The following DRC4 variants were observed in gnomAD, a reference collection of about 807,000 sequenced individuals.
DRC4 encodes dynein regulatory complex subunit 4.
the DRC4 span, among the ~76,000 whole-genome samples, chr16:90,034,154 G>T: frequency 6.6e-6 from 1 of 152,172 alleles, no homozygotes; most frequent in African/African-American, 2.4e-5. Context: ...GAACACATTT[G>T]CCTCACGCCT....
At chr16:90,040,512 A>AG in the DRC4 span, 9 of 1,594,432 alleles carry the variant, frequency 5.6e-6, no homozygotes, top group African/African-American at 9.4e-5. Flanking sequence ...AGCTGGAGGT[A>AG]GGCCCTAGAC....
the DRC4 span, chr16:90,021,999 C>G: frequency 6.6e-6 from 1 of 151,896 alleles, no homozygotes; most frequent in Non-Finnish European, 1.5e-5. Context: ...GTTTTCAGAA[C>G]AAGAGATTAG....
chr16:90,038,126 G>C, the DRC4 span, among the ~76,000 whole-genome samples: 3 of 152,224 alleles, frequency 2.0e-5, no homozygotes, highest in African/African-American at 7.2e-5. Context: ...TCTGCAGAAG[G>C]CCTGGGGTCT....
At chr16:90,036,127 C>A in the DRC4 span, 1 of 573,458 alleles carries the variant, frequency 1.7e-6, no homozygotes, top group Non-Finnish European at 3.0e-6. Flanking sequence ...CAGCTGTTGG[C>A]ACCCCCAGTG....
chr16:90,019,779 G>A, the DRC4 span: 2 of 691,848 alleles, frequency 2.9e-6, no homozygotes, highest in South Asian at 1.5e-5. The surrounding 1 kb of genome is among the most constrained non-coding windows in gnomAD (Gnocchi z 6.1). Context: ...GTACTTGCGT[G>A]TGGGGCGCCG....
the DRC4 span, chr16:90,020,305 C>CAAAAAA: frequency 1.4e-4 from 43 of 316,550 alleles, no homozygotes; most frequent in African/African-American, 8.7e-4. Context: ...TTGTATGTCT[C>CAAAAAA]AAAAAAAAAA....
At chr16:90,030,190 C>T in the DRC4 span, among the ~76,000 whole-genome samples, 49 of 151,970 alleles carry the variant, frequency 3.2e-4, no homozygotes, top group Non-Finnish European at 5.9e-4. Flanking sequence ...ATATTTTTTG[C>T]TTAACATTAT....
chr16:90,041,268 C>T, the DRC4 span, among the ~76,000 whole-genome samples: 15 of 152,346 alleles, frequency 9.8e-5, no homozygotes, highest in East Asian at 3.9e-4. Flanking sequence ...ATTGTTACCT[C>T]GACTTCTAAG....
At chr16:90,034,760 G>C in the DRC4 span, among the ~76,000 whole-genome samples, 2 of 151,538 alleles carry the variant, frequency 1.3e-5, no homozygotes, top group Non-Finnish European at 2.9e-5. Context: ...GTCTCACTCT[G>C]TCTCCCGGGC....
the DRC4 span, chr16:90,027,663 A>G: frequency 1.1e-4 from 171 of 1,614,224 alleles, no homozygotes; most frequent in African/African-American, 1.8e-3. Context: ...GAAGAAAGGC[A>G]AAGCCAAAGG....
At chr16:90,040,572 G>T in the DRC4 span, 1 of 1,396,146 alleles carries the variant, frequency 7.2e-7, no homozygotes, top group Non-Finnish European at 9.7e-7. Context: ...AGAGTCTTCA[G>T]TTCTGTGCTG....
chr16:90,032,061 G>A, the DRC4 span, among the ~76,000 whole-genome samples: 21 of 152,014 alleles, frequency 1.4e-4, no homozygotes, highest in South Asian at 4.2e-3. Context: ...TAGTGCAGGC[G>A]ACCAGGTGTG....
At chr16:90,036,647 G>A in the DRC4 span, 1 of 1,459,716 alleles carries the variant, frequency 6.9e-7, no homozygotes, top group East Asian at 2.5e-5. Context: ...GTGGGCTGCA[G>A]AGTCCTGGGG....
chr16:90,027,820 C>A, the DRC4 span: 2 of 1,159,546 alleles, frequency 1.7e-6, no homozygotes, highest in Non-Finnish European at 1.3e-6. Context: ...GTGGATCCAC[C>A]CTTCTGTCCA....
chr16:90,030,266 C>T, the DRC4 span, among the ~76,000 whole-genome samples: 2 of 152,232 alleles, frequency 1.3e-5, no homozygotes, highest in South Asian at 2.1e-4. Context: ...GCTGCTACAT[C>T]ATTTGCATAT....
chr16:90,043,882 G>C, the DRC4 span: 1 of 458,416 alleles, frequency 2.2e-6, no homozygotes, highest in Admixed American at 2.4e-5. Flanking sequence ...GTGCGGGAAC[G>C]GGCAGGCAGC....
At chr16:90,026,179 G>A in the DRC4 span, among the ~76,000 whole-genome samples, 6 of 152,134 alleles carry the variant, frequency 3.9e-5, no homozygotes, top group Non-Finnish European at 7.4e-5. Context: ...ACTACTGGGA[G>A]TAGCAAAGTC....
the DRC4 span, chr16:90,036,373 C>A: frequency 6.3e-7 from 1 of 1,594,904 alleles, no homozygotes; most frequent in Admixed American, 1.7e-5. Flanking sequence ...TTTGCTGCTG[C>A]CTTTCAGAAA....
chr16:90,024,227 C>G, the DRC4 span, among the ~76,000 whole-genome samples: 36 of 152,048 alleles, frequency 2.4e-4, no homozygotes, highest in African/African-American at 8.2e-4. Context: ...AGGAGAATTT[C>G]TTGAACCTGG....
Sources: allele counts gnomAD v4.1 joint callset (sites outside exome capture counted in the v4.1 genomes callset), GRCh38; gene constraint gnomAD v4.1.1; non-coding constraint Gnocchi (gnomAD v3.1); transcripts MANE v1.5; gene names NCBI Gene and HGNC (gene_info 2026-07-23, HGNC 2026-07-21).